Variants in ERI3 observed in about 807,000 individuals in gnomAD.
ERI3 encodes the protein ERI1 exoribonuclease 3.
ERI3 carries 18 observed loss-of-function variants against 44.4 expected under a neutral mutation model. That is an observed-to-expected ratio of 0.41 (90% confidence interval 0.28 to 0.60). ERI3 has a LOEUF of 0.60. Ranked by LOEUF, ERI3 falls within the 20% of genes least tolerant of loss-of-function variation. ERI3 has a pLI of 0.36. For missense variants in ERI3, 294 were observed against 435.5 expected (o/e 0.68, Z 2.89); for synonymous variants, 183 against 164.8 (o/e 1.11, Z -0.84).
chr1:44,302,060 A>C (rs940079616), intron 6 of ERI3, among the ~76,000 whole-genome samples: 1 of 152,076 alleles, frequency 6.6e-6, no homozygotes, highest in Admixed American at 6.5e-5. Flanking sequence ...GTGGGCTTTC[A>C]CCTGTCCCTG....
chr1:44,278,919 T>G (rs928112921), intron 7 of ERI3, among the ~76,000 whole-genome samples: 23 of 152,206 alleles, frequency 1.5e-4, no homozygotes, highest in African/African-American at 5.5e-4. Context: ...GTTTTTAATT[T>G]AAATTGATTA....
intron 6 of ERI3, among the ~76,000 whole-genome samples, chr1:44,297,015 T>C (rs1300571070): frequency 6.6e-6 from 1 of 152,120 alleles, no homozygotes; most frequent in African/African-American, 2.4e-5. Context: ...TTGTTAGTAA[T>C]TATTTCCATG....
chr1:44,351,819 G>A (rs1022426392), intron 2 of ERI3, among the ~76,000 whole-genome samples: 5 of 151,998 alleles, frequency 3.3e-5, no homozygotes, highest in African/African-American at 1.2e-4. Flanking sequence ...GGTCCCTCAT[G>A]TCTTCACCTA....
At chr1:44,275,636 A>G (rs920655839) in intron 7 of ERI3, among the ~76,000 whole-genome samples, 13 of 152,274 alleles carry the variant, frequency 8.5e-5, no homozygotes, top group East Asian at 3.9e-4. Flanking sequence ...TCCTCATCCA[A>G]TCCTCTTCGG....
chr1:44,302,011 G>GC (rs1215615375), intron 6 of ERI3, among the ~76,000 whole-genome samples: 2 of 152,132 alleles, frequency 1.3e-5, no homozygotes, highest in Admixed American at 6.5e-5. Context: ...TCCATTCTCA[G>GC]CCCCCTTAGA....
chr1:44,242,745 C>T (rs967804910), intron 8 of ERI3, among the ~76,000 whole-genome samples: 8 of 152,260 alleles, frequency 5.3e-5, no homozygotes, highest in African/African-American at 1.7e-4. Flanking sequence ...GAAGGAACTC[C>T]CTGCTGGGCA....
At position 44,339,340 on chromosome 1, in the gene ERI3, TAAAAAAAAAA is replaced by T. The variant is rs372090718; in HGVS notation, c.212-28_212-19del. Reference sequence around the variant, plus strand: ...ATCTAAAACTTAGGGGAGGAAAGTTTAAAAAAAAAAAAAAAAAAGAAAAGAAAGAAAAAAA... The same window carrying T: ...ATCTAAAACTTAGGGGAGGAAAGTTTAAAAAAAAGAAAAGAAAGAAAAAAA... On this transcript the variant is annotated intron_variant, in intron 2 of 8. Coordinates refer to ENST00000372257, the MANE Select transcript of ERI3 (RefSeq NM_024066.3). The T allele has an allele frequency of 5.1e-6, 5 of 976,780 alleles. No homozygotes were observed. The Admixed American group carries it at 1.4e-4, about 27-fold the overall frequency. 60.5% of individuals were successfully genotyped at this position (976,780 alleles called of 1,614,324 possible).
intron 6 of ERI3, among the ~76,000 whole-genome samples, chr1:44,303,867 T>C (rs1645778126): frequency 6.6e-6 from 1 of 152,160 alleles, no homozygotes; most frequent in Non-Finnish European, 1.5e-5. Context: ...TCAAAGAGAC[T>C]AGTTAGAAGA....
In ERI3 at chr1:44,252,785, C is replaced by G. The variant is rs1364891754; in HGVS notation, c.832-4747G>C. ...CCCATATACTACCTACCAGGACCCTCAGAGTGGAGTGGACGCACAGTGGGA... is the reference window on the plus strand; with the variant it reads ...CCCATATACTACCTACCAGGACCCTGAGAGTGGAGTGGACGCACAGTGGGA... On this transcript the variant is annotated intron_variant, in intron 7 of 8. Coordinates refer to ENST00000372257, the MANE Select transcript of ERI3 (RefSeq NM_024066.3). The surrounding 1 kb of genome is among the most constrained non-coding windows in gnomAD (Gnocchi z 4.7). Among the ~76,000 whole-genome samples, 2 of 152,302 alleles carry G rather than the reference C, an allele frequency of 1.3e-5. No individual in the cohort carries two copies. Among genetic ancestry groups the G allele is most frequent in the African/African-American group, 4.8e-5 (2 of 41,574 alleles).
At chr1:44,262,845 A>AGCTTCCCT in intron 7 of ERI3, among the ~76,000 whole-genome samples, 1 of 152,278 alleles carries the variant, frequency 6.6e-6, no homozygotes, top group South Asian at 2.1e-4. Flanking sequence ...TCCTCCCAAA[A>AGCTTCCCT]GCTTCCCTGC....
intron 8 of ERI3, among the ~76,000 whole-genome samples, chr1:44,242,806 G>A (rs1644468085): frequency 6.6e-6 from 1 of 152,202 alleles, no homozygotes; most frequent in Non-Finnish European, 1.5e-5. Context: ...GAGGTCTTCA[G>A]AGGGACCCGG....
chr1:44,279,940 T>C (rs892339478), intron 7 of ERI3, among the ~76,000 whole-genome samples: 1 of 152,226 alleles, frequency 6.6e-6, no homozygotes, highest in African/African-American at 2.4e-5. Flanking sequence ...CAGGAAACTA[T>C]ACCTCACTGA....
chr1:44,296,397 G>A (rs565993009), intron 6 of ERI3, among the ~76,000 whole-genome samples: 27 of 152,202 alleles, frequency 1.8e-4, no homozygotes, highest in Admixed American at 6.5e-4. Context: ...CCCACCCCAC[G>A]CGCTGCCTCC....
rs556182780 is a variant in ERI3 at position 44,351,614 on chromosome 1, C to T, written c.211+1236G>A. Among the ~76,000 whole-genome samples the T allele has an allele frequency of 7.9e-5, 12 of 152,304 alleles. No individual in the cohort carries two copies. The South Asian group carries it at 2.3e-3, about 29-fold the overall frequency. ...TAAATATTTACTATCTTATCCATTA[C>T]AGAAAAAATTTGCAGAGCACTAATC... On this transcript the variant is annotated intron_variant, in intron 2 of 8. Coordinates refer to ENST00000372257, the MANE Select transcript of ERI3 (RefSeq NM_024066.3).
chr1:44,269,864 G>A (rs780232437), intron 7 of ERI3, among the ~76,000 whole-genome samples: 7 of 152,204 alleles, frequency 4.6e-5, no homozygotes, highest in Non-Finnish European at 7.3e-5. Context: ...ATAAAATAGG[G>A]ACAATAGCCC....
At chr1:44,289,680 C>A (rs1645464134) in intron 6 of ERI3, among the ~76,000 whole-genome samples, 2 of 152,254 alleles carry the variant, frequency 1.3e-5, no homozygotes, top group South Asian at 4.1e-4. Context: ...CTGAGCCATA[C>A]TGGCTGGGCC....
intron 6 of ERI3, among the ~76,000 whole-genome samples, chr1:44,302,018 T>C (rs1224301458): frequency 6.6e-6 from 1 of 152,192 alleles, no homozygotes; most frequent in African/African-American, 2.4e-5. Flanking sequence ...TCAGCCCCCT[T>C]AGAATGCCCA....
At chr1:44,335,167 C>T (rs915979723) in intron 3 of ERI3, among the ~76,000 whole-genome samples, 1 of 151,696 alleles carries the variant, frequency 6.6e-6, no homozygotes, top group Admixed American at 6.6e-5. Context: ...TAGTGAGACC[C>T]CATCATTATA....
chr1:44,243,341 A>G (rs1644484515), intron 8 of ERI3: 1 of 152,254 alleles, frequency 6.6e-6, no homozygotes, highest in Non-Finnish European at 1.5e-5. Flanking sequence ...TCTCCTAGCC[A>G]GCTGAAACCA....
Sources: allele counts gnomAD v4.1 joint callset (sites outside exome capture counted in the v4.1 genomes callset), GRCh38; gene constraint gnomAD v4.1.1; non-coding constraint Gnocchi (gnomAD v3.1); transcripts MANE v1.5; gene names NCBI Gene and HGNC (gene_info 2026-07-23, HGNC 2026-07-21).